The following STK33 variants were observed in gnomAD, a reference collection of about 807,000 sequenced individuals.
STK33 encodes the protein serine/threonine kinase 33.
In STK33, 52 loss-of-function variants were observed where a neutral mutation model predicts 58.0. The ratio of observed to expected loss-of-function variants is 0.90; its 90% CI spans 0.72 to 1.13. STK33 has a LOEUF of 1.13. STK33 is among the 50% of genes most tolerant of loss of function. The pLI is 0.00. For synonymous variants in STK33, 215 were observed against 200.1 expected, an observed-to-expected ratio of 1.07 and a Z score of -0.63; for missense variants, 630 against 604.2, an observed-to-expected ratio of 1.04 and a Z score of -0.45.
the STK33 span, among the ~76,000 whole-genome samples, chr11:8,378,226 A>C: frequency 6.6e-6 from 1 of 152,224 alleles, no homozygotes; most frequent in Non-Finnish European, 1.5e-5. Context: ...AGTGGGGGGA[A>C]GCCCCTTAAA....
chr11:8,417,010 C>T (rs1191583758), intron 14 of STK33, among the ~76,000 whole-genome samples: 2 of 152,164 alleles, frequency 1.3e-5, no homozygotes, highest in African/African-American at 2.4e-5. Flanking sequence ...AACAATGTAT[C>T]ATGAGCCTTC....
At chr11:8,462,418 C>T (rs1201582479) in intron 7 of STK33, among the ~76,000 whole-genome samples, 1 of 133,060 alleles carries the variant, frequency 7.5e-6, no homozygotes, top group African/African-American at 2.8e-5. Flanking sequence ...TATACACACA[C>T]ATATATATAC....
At chr11:8,430,452 T>C (rs1374451296) in intron 14 of STK33, among the ~76,000 whole-genome samples, 3 of 151,962 alleles carry the variant, frequency 2.0e-5, no homozygotes, top group African/African-American at 7.3e-5. Context: ...AGAATTGTCT[T>C]AGGCCACACA....
chr11:8,462,911 T>C (rs1346183921), intron 7 of STK33, among the ~76,000 whole-genome samples: 1 of 152,112 alleles, frequency 6.6e-6, no homozygotes, highest in African/African-American at 2.4e-5. Context: ...AATAAAAAAA[T>C]CTCCCTGCAA....
intron 8 of STK33, among the ~76,000 whole-genome samples, chr11:8,461,009 T>C (rs1044457183): frequency 6.6e-6 from 1 of 152,158 alleles, no homozygotes; most frequent in Non-Finnish European, 1.5e-5. Flanking sequence ...TTTATATCAA[T>C]TGTCTCATTT....
chr11:8,475,539 C>T (rs1591363636), intron 4 of STK33: 1 of 152,160 alleles, frequency 6.6e-6, no homozygotes, highest in Admixed American at 6.5e-5. Flanking sequence ...CTATTACATA[C>T]TTTACAAAGG....
intron 1 of STK33, among the ~76,000 whole-genome samples, chr11:8,562,952 G>A (rs771264487): frequency 2.0e-5 from 3 of 152,082 alleles, no homozygotes; most frequent in Non-Finnish European, 4.4e-5. Flanking sequence ...GTAAGTAAAG[G>A]GGTAGCTGTT....
chr11:8,405,094 C>A (rs1045727353), intron 15 of STK33, among the ~76,000 whole-genome samples: 1 of 152,128 alleles, frequency 6.6e-6, no homozygotes, highest in Non-Finnish European at 1.5e-5. Flanking sequence ...TGAGATTGCG[C>A]CATTGCAATC....
intron 1 of STK33, among the ~76,000 whole-genome samples, chr11:8,591,396 T>G (rs1335201217): frequency 3.9e-5 from 6 of 152,342 alleles, no homozygotes; most frequent in African/African-American, 1.4e-4. Context: ...AAGGACTTTC[T>G]AAGCGTAAAA....
At chr11:8,436,191 C>G in intron 12 of STK33, 52 bp from the exon 13 acceptor site, 1 of 1,115,904 alleles carries the variant, frequency 9.0e-7, no homozygotes, top group Middle Eastern at 2.9e-4. Flanking sequence ...TAAAAATAAG[C>G]CTATTAAAAT....
chr11:8,512,411 G>T (rs1952409327), intron 1 of STK33, among the ~76,000 whole-genome samples: 1 of 152,006 alleles, frequency 6.6e-6, no homozygotes, highest in African/African-American at 2.4e-5. Context: ...AGTATACAAA[G>T]TGCTACTGGC....
intron 1 of STK33, among the ~76,000 whole-genome samples, chr11:8,525,834 C>T (rs1460284788): frequency 6.6e-6 from 1 of 152,082 alleles, no homozygotes; most frequent in Non-Finnish European, 1.5e-5. Flanking sequence ...TGTATAAAAA[C>T]TTCCTACAAA....
chr11:8,442,272 C>A (rs954976625), intron 11 of STK33, among the ~76,000 whole-genome samples: 1 of 152,098 alleles, frequency 6.6e-6, no homozygotes, highest in African/African-American at 2.4e-5. Flanking sequence ...TTTGTTAACT[C>A]TACTTAAAAT....
At chr11:8,460,062 G>A (rs1947333509) in intron 8 of STK33, among the ~76,000 whole-genome samples, 1 of 152,140 alleles carries the variant, frequency 6.6e-6, no homozygotes. Flanking sequence ...GAAGCTTAAA[G>A]CAAGCTTCAA....
chr11:8,564,389 G>A (rs1331423329), intron 1 of STK33, among the ~76,000 whole-genome samples: 2 of 152,196 alleles, frequency 1.3e-5, no homozygotes, highest in South Asian at 2.1e-4. Flanking sequence ...CAATTCTGCT[G>A]AGCCTGCTCT....
rs756995665 is a variant in STK33 at position 8,421,356 on chromosome 11, G to A, written c.1147-7664C>T. 5.3e-5 allele frequency among the ~76,000 whole-genome samples: 8 copies of A among 152,210 alleles called. No individual in the cohort carries two copies. The Middle Eastern group carries it at 0.024, about 453-fold the overall frequency. ...AAATTTAACTTTACTTTTTCCATAT[G>A]GAGAACTCTTGATTCCAGCTCCATT... On this transcript the variant is annotated intron_variant, in intron 14 of 15. Transcript: ENST00000687296.
rs145228004 is a variant in STK33, at chr11:8,487,060, T to C, written c.-465-6446A>G. On this transcript the variant is annotated intron_variant, in intron 1 of 15. Transcript: ENST00000687296. ...TTGTCTTAATTACACCAAAATGGAG[T>C]TGTAAGAGGTAGTGGATATTTAGGA... is the stretch of plus-strand genomic sequence containing the variant. Among the ~76,000 whole-genome samples the C allele has an allele frequency of 5.5e-4, 84 of 151,498 alleles. 1 individual carries two copies. The highest frequency in any genetic ancestry group is 1.9e-3 in the African/African-American group (80 of 41,266).
At chr11:8,347,229 G>A in the STK33 span, among the ~76,000 whole-genome samples, 1 of 152,192 alleles carries the variant, frequency 6.6e-6, no homozygotes, top group Admixed American at 6.5e-5. Flanking sequence ...TGCTCATGGT[G>A]GCAAAGGGAA....
intron 1 of STK33, among the ~76,000 whole-genome samples, chr11:8,548,152 A>G (rs935320631): frequency 6.6e-6 from 1 of 151,384 alleles, no homozygotes; most frequent in African/African-American, 2.4e-5. Flanking sequence ...CCTAGAACTT[A>G]AAGTATAATA....
Sources: allele counts gnomAD v4.1 joint callset (sites outside exome capture counted in the v4.1 genomes callset), GRCh38; gene constraint gnomAD v4.1.1; transcripts MANE v1.5; gene names NCBI Gene and HGNC (gene_info 2026-07-23, HGNC 2026-07-21).